The following ZNF280A variants were observed in gnomAD, a reference collection of about 807,000 sequenced individuals.
ZNF280A encodes the protein zinc finger protein 280A, also known as suppressor of hairy wing homolog 1.
Under a neutral mutation model 35.9 loss-of-function variants are expected in ZNF280A, and 26 were observed. The observed-to-expected ratio is 0.72, with a 90% CI of 0.53 to 1.01. The LOEUF (loss-of-function observed/expected upper bound fraction) is 1.01, where lower values mean the gene tolerates loss of function less well. Among genes scored for constraint, ZNF280A ranks in the 50% least tolerant of loss-of-function variants. The probability of loss-of-function intolerance (pLI) is 0.00; values close to 1 mark genes in which losing one functional copy is unlikely to be tolerated. For synonymous variants in ZNF280A, 231 were observed against 232.9 expected (o/e 0.99, Z 0.07); for missense variants, 654 against 652.0 (o/e 1.00, Z -0.03).
chr22:22,514,547 G>T lies in ZNF280A; in HGVS notation c.1084C>A (p.Pro362Thr), dbSNP rs1053639110. The T allele has an allele frequency of 6.2e-7, 1 of 1,613,796 alleles. No individual in the cohort carries two copies. The highest frequency in any genetic ancestry group is 8.5e-7 in the Non-Finnish European group (1 of 1,179,986). The change falls in exon 2 of 2, where the codon CCC becomes ACC. Residue 362 changes from proline to threonine, a missense_variant. Pro to Thr is a conservative substitution (Grantham distance 38, BLOSUM62 -1). Coordinates refer to ENST00000302097, the MANE Select transcript of ZNF280A (RefSeq NM_080740.5). Reference sequence around the variant, plus strand: ...TCACAGATTTTACAGACAGCAGAGGGCCCCATGGCGATGTGTACACTATCA... The same window carrying T: ...TCACAGATTTTACAGACAGCAGAGGTCCCCATGGCGATGTGTACACTATCA... ...HIDSVHIAMG[P>T]SAVCKICELS...
In ZNF280A at chr22:22,518,785, C is replaced by CAA. The variant is rs140976483; in HGVS notation, c.-72+1302_-72+1303dup. 1.1e-3 allele frequency among the ~76,000 whole-genome samples: 129 copies of CAA among 115,768 alleles called. 3 individuals are homozygous for CAA. Among genetic ancestry groups the CAA allele is most frequent in the South Asian group, 7.7e-3 (28 of 3,660 alleles). 75.9% of individuals were successfully genotyped at this position (115,768 alleles called of 152,430 possible). A position where few individuals can be genotyped will look rare whatever the true frequency, so the allele number is the denominator to read the frequency against. ...CCTGGGTGACAGAGTGAGACTGTCT[C>CAA]AAAAAAAAAAAAAAGAAAAAAGGAA... On this transcript the variant is annotated intron_variant, in intron 1 of 1. Coordinates refer to ENST00000302097, the MANE Select transcript of ZNF280A (RefSeq NM_080740.5).
chr22:22,515,817 A>C, intron 1 of ZNF280A, 116 bp from the exon 2 acceptor site: 1 of 972,914 alleles, frequency 1.0e-6, no homozygotes, highest in Non-Finnish European at 1.4e-6. Context: ...TTTACACGTC[A>C]GAAATGAGGC....
In ZNF280A at chr22:22,514,665, A is replaced by T. The variant is rs1157171623; in HGVS notation, c.966T>A (p.Phe322Leu). 1 of 1,613,856 alleles carries T rather than the reference A, an allele frequency of 6.2e-7. No homozygotes were observed. Among genetic ancestry groups the T allele is most frequent in the East Asian group, 2.2e-5 (1 of 44,820 alleles). The change falls in exon 2 of 2, where the codon TTT (phenylalanine) becomes TTA (leucine). Residue 322 changes from phenylalanine to leucine, a missense_variant. Phe to Leu is a conservative substitution (Grantham distance 22). Coordinates refer to ENST00000302097, the MANE Select transcript of ZNF280A (RefSeq NM_080740.5). The part of the protein sequence containing the change: ...FMNHMKHHLE[F>L]EKQRNDSWED... ...CCCAGCTGTCGTTCCTCTGCTTCTCAAATTCCAAATGATGCTTCATGTGAT... is the reference window on the plus strand; with the variant it reads ...CCCAGCTGTCGTTCCTCTGCTTCTCTAATTCCAAATGATGCTTCATGTGAT...
rs779552212 is a variant in ZNF280A at position 22,514,238 on chromosome 22, CCTT to C, written c.1390_1392del (p.Lys464del). On this transcript the variant is annotated inframe_deletion, in exon 2 of 2. Transcript: ENST00000302097. ...TCCTTGGTTTTGTGCTCTATTTCCT[CCTT>C]CAACGTCAAAAACTGTAGCCGGCAC... 6.2e-7 allele frequency: 1 copy of C among 1,613,670 alleles called. No homozygotes were observed.
Position 22,514,581 on chromosome 22 carries a change from CTG to C in ZNF280A, c.1048_1049del (p.Gln350ValfsTer4), listed in dbSNP as rs1411110145. The C allele has an allele frequency of 1.9e-6, 3 of 1,613,832 alleles. No individual in the cohort carries two copies. The highest frequency in any genetic ancestry group is 2.5e-6 in the Non-Finnish European group (3 of 1,180,000). ...HRQFPTPFQL[Q>X]CHIDSVHIAM... ...CGATGTGTACACTATCAATGTGACA[CTG>C]TAGCTGGAAGGGAGTGGGAAACTGC... On this transcript the variant is annotated frameshift_variant, in exon 2 of 2. Transcript: ENST00000302097. LOFTEE classifies it high-confidence loss of function.
rs751414015 is a variant in ZNF280A at position 22,514,525 on chromosome 22, C to T, written c.1106G>A (p.Cys369Tyr). 1 of 1,613,910 alleles carries T rather than the reference C, an allele frequency of 6.2e-7. No individual in the cohort carries two copies. Among genetic ancestry groups the T allele is most frequent in the South Asian group, 1.1e-5 (1 of 91,072 alleles). ...CTGATCTGTTTCAAATGACAATTCA[C>T]AGATTTTACAGACAGCAGAGGGCCC... Reference protein sequence around the residue: ...AMGPSAVCKICELSFETDQVL... With the variant: ...AMGPSAVCKIYELSFETDQVL... The change falls in exon 2 of 2, where the codon TGT becomes TAT. Residue 369 changes from cysteine (C) to tyrosine (Y), a missense_variant. Coordinates refer to ENST00000302097, the MANE Select transcript of ZNF280A (RefSeq NM_080740.5).
At chr22:22,516,863 G>A (rs114413512) in intron 1 of ZNF280A, among the ~76,000 whole-genome samples, 1,728 of 151,794 alleles carry the variant, frequency 0.011, 35 homozygotes, top group African/African-American at 0.039. Context: ...CTGGGCTCCT[G>A]GTCTGCCTCA....
intron 1 of ZNF280A, among the ~76,000 whole-genome samples, chr22:22,516,674 C>T (rs2062075407): frequency 1.3e-5 from 2 of 151,910 alleles, no homozygotes; most frequent in South Asian, 4.2e-4. Flanking sequence ...ATAGGAAATA[C>T]CAGCAAACTT....
At position 22,515,295 on chromosome 22, in the gene ZNF280A, ATCTG is replaced by A; in HGVS notation, c.332_335del (p.Thr111IlefsTer6). ...ATGAAGACTTCATAGTGACAGGACTATCTGTCGATCGCCCCTCAGACAGAGAAAC... is the reference window on the plus strand; with the variant it reads ...ATGAAGACTTCATAGTGACAGGACTATCGATCGCCCCTCAGACAGAGAAAC... On this transcript the variant is annotated frameshift_variant, in exon 2 of 2. Transcript: ENST00000302097. LOFTEE classifies it high-confidence loss of function. 6.2e-7 allele frequency: 1 copy of A among 1,613,868 alleles called. No homozygotes were observed. The highest frequency in any genetic ancestry group is 8.5e-7 in the Non-Finnish European group (1 of 1,179,960).
chr22:22,518,463 C>G (rs2062100233), intron 1 of ZNF280A, among the ~76,000 whole-genome samples: 1 of 151,334 alleles, frequency 6.6e-6, no homozygotes. Flanking sequence ...TTTTTTTAAA[C>G]TTGTACATTT....
Position 22,513,905 on chromosome 22 carries a change from T to C in ZNF280A, c.*97A>G. The C allele has an allele frequency of 1.3e-6, 1 of 743,800 alleles. No homozygotes were observed. Among genetic ancestry groups the C allele is most frequent in the Non-Finnish European group, 2.3e-6 (1 of 433,750 alleles). The allele number at this position is 743,800 out of a possible 1,614,324, so 46.1% of individuals were successfully genotyped here. On this transcript the variant is annotated 3_prime_UTR_variant, in exon 2 of 2. Transcript: ENST00000302097. Reference sequence around the variant, plus strand: ...TCACTGTAAAAAACAACCTGACAGTTGATGACATTGCTTGCTAGCATCTAC... The same window carrying C: ...TCACTGTAAAAAACAACCTGACAGTCGATGACATTGCTTGCTAGCATCTAC...
rs138012618 is a variant in ZNF280A, at chr22:22,515,380, G to C, written c.251C>G (p.Ala84Gly). ...ATGATTTGCAGGCTGCGACACGTGA[G>C]CAGGATATTGACGGAAGTGGCCTTT... The part of the protein sequence containing the change: ...RKKGHFRQYP[A>G]HVSQPANHVT... Residue 84 changes from alanine to glycine, a missense_variant, in exon 2 of 2, where the codon GCT becomes GGT. Coordinates refer to ENST00000302097, the MANE Select transcript of ZNF280A (RefSeq NM_080740.5). 7.4e-6 allele frequency: 12 copies of C among 1,613,884 alleles called. No homozygotes were observed. The highest frequency in any genetic ancestry group is 1.0e-5 in the Non-Finnish European group (12 of 1,179,976).
chr22:22,517,183 G>A (rs191572841), intron 1 of ZNF280A, among the ~76,000 whole-genome samples: 14 of 151,914 alleles, frequency 9.2e-5, no homozygotes, highest in Non-Finnish European at 1.9e-4. Flanking sequence ...AAGGCGGAAG[G>A]ATTGCTTGAG....
Position 22,514,587 on chromosome 22 carries a change from C to T in ZNF280A, c.1044G>A (p.Gln348=), listed in dbSNP as rs1485010515. ...GTACACTATCAATGTGACACTGTAGCTGGAAGGGAGTGGGAAACTGCCGGT... is the reference window on the plus strand; with the variant it reads ...GTACACTATCAATGTGACACTGTAGTTGGAAGGGAGTGGGAAACTGCCGGT... ...HCHRQFPTPF[Q]LQCHIDSVHI... Residue 348 remains glutamine, a synonymous_variant, in exon 2 of 2, where the codon CAG becomes CAA. Coordinates refer to ENST00000302097, the MANE Select transcript of ZNF280A (RefSeq NM_080740.5). 1 of 1,613,828 alleles carries T rather than the reference C, an allele frequency of 6.2e-7. No individual in the cohort carries two copies. The highest frequency in any genetic ancestry group is 1.3e-5 in the African/African-American group (1 of 74,860).
In ZNF280A at chr22:22,513,810, G is replaced by T; in HGVS notation, c.*192C>A. ...GGTCAGAATAAGGGATGCCCTGTTG[G>T]GAGCATTTGACTGGGAAAGGGCTCA... On this transcript the variant is annotated 3_prime_UTR_variant, in exon 2 of 2. Transcript: ENST00000302097. 1 of 536,730 alleles carries T rather than the reference G, an allele frequency of 1.9e-6. No individual in the cohort carries two copies. The highest frequency in any genetic ancestry group is 3.3e-6 in the Non-Finnish European group (1 of 307,608). 33.2% of individuals were successfully genotyped at this position (536,730 alleles called of 1,614,324 possible). A position where few individuals can be genotyped will look rare whatever the true frequency, so the allele number is the denominator to read the frequency against.
chr22:22,513,817 T>G lies in ZNF280A; in HGVS notation c.*185A>C. 1 of 540,868 alleles carries G rather than the reference T, an allele frequency of 1.8e-6. No homozygotes were observed. The highest frequency in any genetic ancestry group is 3.0e-5 in the East Asian group (1 of 33,096). 33.5% of individuals were successfully genotyped at this position (540,868 alleles called of 1,614,324 possible). Reference sequence around the variant, plus strand: ...ATAAGGGATGCCCTGTTGGGAGCATTTGACTGGGAAAGGGCTCAAAGACTT... The same window carrying G: ...ATAAGGGATGCCCTGTTGGGAGCATGTGACTGGGAAAGGGCTCAAAGACTT... On this transcript the variant is annotated 3_prime_UTR_variant, in exon 2 of 2. Transcript: ENST00000302097.
chr22:22,518,733 A>G (rs1358397173), intron 1 of ZNF280A, among the ~76,000 whole-genome samples: 1 of 150,482 alleles, frequency 6.6e-6, no homozygotes, highest in Non-Finnish European at 1.5e-5. Context: ...GGTTGCAGTG[A>G]GCGAAGATCG....
chr22:22,516,618 C>A (rs2062074585), intron 1 of ZNF280A, among the ~76,000 whole-genome samples: 1 of 151,818 alleles, frequency 6.6e-6, no homozygotes, highest in African/African-American at 2.4e-5. Flanking sequence ...TACAGGGGAG[C>A]AAGTATATTT....
At position 22,515,230 on chromosome 22, in the gene ZNF280A, G is replaced by A. The variant is rs1162842439; in HGVS notation, c.401C>T (p.Ser134Phe). 6.2e-7 allele frequency: 1 copy of A among 1,613,730 alleles called. No individual in the cohort carries two copies. Among genetic ancestry groups the A allele is most frequent in the Non-Finnish European group, 8.5e-7 (1 of 1,179,966 alleles). Residue 134 changes from serine to phenylalanine, a missense_variant, in exon 2 of 2, where the codon TCT (serine) becomes TTT (phenylalanine). By Grantham distance (155) the Ser-to-Phe change is radical (BLOSUM62 -2). Coordinates refer to ENST00000302097, the MANE Select transcript of ZNF280A (RefSeq NM_080740.5). ...GGGGAGCGAGTCTGAGGAACTGGGAGAAACAACTTGTGGTGAGCTCATTTT... is the reference window on the plus strand; with the variant it reads ...GGGGAGCGAGTCTGAGGAACTGGGAAAAACAACTTGTGGTGAGCTCATTTT... ...GYKMSSPQVVSPSSSDSLPPG... is the reference protein window; with the variant it reads ...GYKMSSPQVVFPSSSDSLPPG...
Sources: allele counts gnomAD v4.1 joint callset (sites outside exome capture counted in the v4.1 genomes callset), GRCh38; gene constraint gnomAD v4.1.1; transcripts MANE v1.5; gene names NCBI Gene and HGNC (gene_info 2026-07-23, HGNC 2026-07-21).